ZNF280C: variants seen among roughly 807,000 people sequenced by gnomAD.
ZNF280C encodes zinc finger protein 280C.
A neutral mutation model predicts 53.6 loss-of-function variants in ZNF280C; 14 were observed. The ratio of observed to expected loss-of-function variants is 0.26; its 90% CI spans 0.17 to 0.41. The LOEUF (loss-of-function observed/expected upper bound fraction) is 0.41. Among genes scored for constraint, ZNF280C ranks in the 10% least tolerant of loss-of-function variants. The pLI is 1.00. For synonymous variants in ZNF280C, 203 were observed against 181.1 expected (o/e 1.12, Z -0.97); for missense variants, 416 against 547.1 (o/e 0.76, Z 2.39).
chrX:130,223,965 C>T (rs6637701), intron 12 of ZNF280C, among the ~76,000 whole-genome samples: 48 of 111,693 alleles, frequency 4.3e-4, no homozygotes, highest in African/African-American at 1.5e-3. Context: ...GCCTGATGAT[C>T]CTTCTTATCA....
chrX:130,251,298 A>AAAAAAAAAAG (rs2032506275), intron 2 of ZNF280C, among the ~76,000 whole-genome samples: 1 of 102,379 alleles, frequency 9.8e-6, no homozygotes, highest in Non-Finnish European at 2.0e-5. Flanking sequence ...AAAAAAAAAA[A>AAAAAAAAAAG]AAAAAAAAAG....
chrX:130,237,851 G>A (rs1372809644), intron 6 of ZNF280C, among the ~76,000 whole-genome samples: 1 of 111,437 alleles, frequency 9.0e-6, no homozygotes, highest in Admixed American at 9.6e-5. Flanking sequence ...GAGATGCTTA[G>A]GTTACTTTAA....
intron 5 of ZNF280C, among the ~76,000 whole-genome samples, chrX:130,241,546 G>A (rs1382221193): frequency 8.9e-6 from 1 of 112,057 alleles, no homozygotes; most frequent in Non-Finnish European, 1.9e-5. Flanking sequence ...GATAGCTTGA[G>A]GCCAGGAGTT....
chrX:130,266,681 A>G (rs904634856), intron 1 of ZNF280C, among the ~76,000 whole-genome samples: 2 of 112,039 alleles, frequency 1.8e-5, no homozygotes, highest in African/African-American at 6.5e-5. Context: ...ACTACTTTGC[A>G]GCAAATGAAT....
chrX:130,240,667 C>T (rs2032381094), intron 5 of ZNF280C, among the ~76,000 whole-genome samples: 1 of 112,295 alleles, frequency 8.9e-6, no homozygotes, highest in Non-Finnish European at 1.9e-5. Flanking sequence ...AAATTAAGTA[C>T]CACAATTTCG....
At chrX:130,253,155 C>G (rs1256488898) in intron 2 of ZNF280C, among the ~76,000 whole-genome samples, 1 of 112,068 alleles carries the variant, frequency 8.9e-6, no homozygotes, top group East Asian at 2.8e-4. Flanking sequence ...GGAACACAAT[C>G]TTATTCACAA....
At position 130,204,966 on chromosome X, in the gene ZNF280C, G is replaced by A; in HGVS notation, c.*11C>T. 9.3e-7 allele frequency: 1 copy of A among 1,077,978 alleles called. No individual in the cohort carries two copies. The highest frequency in any genetic ancestry group is 1.2e-6 in the Non-Finnish European group (1 of 831,086). The allele number at this position is 1,077,978 out of a possible 1,213,427, so 88.8% of individuals were successfully genotyped here. A position where few individuals can be genotyped will look rare whatever the true frequency, so the allele number is the denominator to read the frequency against. On this transcript the variant is annotated 3_prime_UTR_variant, in exon 19 of 19. Coordinates refer to ENST00000370978, the MANE Select transcript of ZNF280C (RefSeq NM_017666.5). ...TTGCACCAGGTTGCATGAACTCCAT[G>A]GAGCAGGAATCTATTTCAATGAGCA...
At chrX:130,235,668 G>A (rs1203633548) in intron 8 of ZNF280C, among the ~76,000 whole-genome samples, 2 of 112,346 alleles carry the variant, frequency 1.8e-5, no homozygotes, top group African/African-American at 3.2e-5. Context: ...ATCAAATCAG[G>A]ATGTCTGAGG....
At chrX:130,264,279 A>G (rs1202500868) in intron 1 of ZNF280C, among the ~76,000 whole-genome samples, 1 of 111,058 alleles carries the variant, frequency 9.0e-6, no homozygotes, top group Non-Finnish European at 1.9e-5. Flanking sequence ...CTTTTCAGTT[A>G]AGAGAGAAAA....
chrX:130,251,908 GT>G (rs1391007305), intron 2 of ZNF280C, among the ~76,000 whole-genome samples: 2 of 111,732 alleles, frequency 1.8e-5, no homozygotes, highest in Admixed American at 1.9e-4. Context: ...GATGTCAAGA[GT>G]TTAAGACCAG....
chrX:130,224,839 A>AT (rs935961027), intron 12 of ZNF280C, among the ~76,000 whole-genome samples: 4 of 111,629 alleles, frequency 3.6e-5, no homozygotes, highest in African/African-American at 9.8e-5. Context: ...CCATAACCGT[A>AT]TTTTTTTGTG....
chrX:130,249,125 TG>T (rs1398284373), intron 2 of ZNF280C, among the ~76,000 whole-genome samples: 5 of 110,923 alleles, frequency 4.5e-5, no homozygotes, highest in Non-Finnish European at 9.4e-5. Context: ...CATCTCTGCC[TG>T]TATCAACATG....
chrX:130,206,353 C>T (rs1182164019), intron 16 of ZNF280C, among the ~76,000 whole-genome samples: 1 of 99,718 alleles, frequency 1.0e-5, no homozygotes, highest in Non-Finnish European at 2.0e-5. Context: ...CTTGGATTGA[C>T]TTCTTTAGTT....
rs781253856 is a variant in ZNF280C at position 130,246,843 on chromosome X, G to A, written c.178+16C>T. On this transcript the variant is annotated intron_variant, in intron 3 of 18. Coordinates refer to ENST00000370978, the MANE Select transcript of ZNF280C (RefSeq NM_017666.5). Reference sequence around the variant, plus strand: ...CCATCTTATGAAACGTTACTTCACTGAAAGTAAATGCTTACTTGAAATGGC... The same window carrying A: ...CCATCTTATGAAACGTTACTTCACTAAAAGTAAATGCTTACTTGAAATGGC... The A allele has an allele frequency of 4.2e-6, 5 of 1,200,597 alleles. No homozygotes were observed. The East Asian group carries it at 1.5e-4, about 36-fold the overall frequency.
intron 3 of ZNF280C, among the ~76,000 whole-genome samples, chrX:130,246,023 G>C (rs147070036): frequency 9.0e-6 from 1 of 111,616 alleles, no homozygotes; most frequent in African/African-American, 3.3e-5. Flanking sequence ...CTGGCCTCAA[G>C]TGATGTACCC....
chrX:130,226,985 C>A, intron 11 of ZNF280C, 80 bp from the exon 12 acceptor site: 1 of 965,803 alleles, frequency 1.0e-6, no homozygotes, highest in South Asian at 2.4e-5. Flanking sequence ...AATAACGGGT[C>A]ATCTGTTTGG....
intron 2 of ZNF280C, among the ~76,000 whole-genome samples, chrX:130,259,442 C>T (rs5932731): frequency 0.044 from 4,927 of 112,127 alleles, 123 homozygotes; most frequent in Admixed American, 0.078. Flanking sequence ...CTTCCCCATT[C>T]TTTTAAACTG....
chrX:130,224,912 T>C (rs1268015457), intron 12 of ZNF280C, among the ~76,000 whole-genome samples: 1 of 111,817 alleles, frequency 8.9e-6, no homozygotes, highest in Non-Finnish European at 1.9e-5. Context: ...ACCACTCTTA[T>C]CAGTTAATAA....
rs773006460 is a variant in ZNF280C at position 130,205,455 on chromosome X, T to G, written c.2043-40A>C. 3 of 955,646 alleles carry G rather than the reference T, an allele frequency of 3.1e-6. No individual in the cohort carries two copies. The East Asian group carries it at 9.4e-5, about 30-fold the overall frequency. The allele number at this position is 955,646 out of a possible 1,213,427, so 78.8% of individuals were successfully genotyped here. On this transcript the variant is annotated intron_variant, in intron 16 of 18. Coordinates refer to ENST00000370978, the MANE Select transcript of ZNF280C (RefSeq NM_017666.5). ...AAGACAGTAAGAAATATTCTTATCA[T>G]TTATGAAAATCCATATGAGCTCAAT... is the stretch of plus-strand genomic sequence containing the variant.
Sources: allele counts gnomAD v4.1 joint callset (sites outside exome capture counted in the v4.1 genomes callset), GRCh38; gene constraint gnomAD v4.1.1; transcripts MANE v1.5; gene names NCBI Gene and HGNC (gene_info 2026-07-23, HGNC 2026-07-21).